SACS: variants seen among roughly 807,000 people sequenced by gnomAD.
SACS encodes sacsin.
In SACS, 197 loss-of-function variants were observed where a neutral mutation model predicts 348.0. That is an observed-to-expected ratio of 0.57 (90% CI 0.50 to 0.64). The LOEUF (loss-of-function observed/expected upper bound fraction) is 0.64. SACS is among the 30% of genes least tolerant of loss of function. The pLI is 0.00. For missense variants in SACS, 4,999 were observed against 5,360.8 expected, an observed-to-expected ratio of 0.93 and a Z score of 2.11; for synonymous variants, 1,985 against 1,910.6, an observed-to-expected ratio of 1.04 and a Z score of -1.02.
At chr13:23,349,017 C>T (rs1447803174) in intron 9 of SACS, among the ~76,000 whole-genome samples, 1 of 152,194 alleles carries the variant, frequency 6.6e-6, no homozygotes, top group East Asian at 1.9e-4. Flanking sequence ...GACAGCACTC[C>T]AAAATCATGG....
chr13:23,421,497 A>G (rs75570904), intron 1 of SACS, among the ~76,000 whole-genome samples: 7,035 of 151,968 alleles, frequency 0.046, 440 homozygotes, highest in African/African-American at 0.14. Flanking sequence ...TCTGATATGC[A>G]CCCAGGCCTG....
At chr13:23,386,515 A>G (rs2137882641) in intron 2 of SACS, among the ~76,000 whole-genome samples, 1 of 152,262 alleles carries the variant, frequency 6.6e-6, no homozygotes, top group African/African-American at 2.4e-5. Context: ...GCTTAAGGGG[A>G]TGTTATGGCT....
chr13:23,388,859 A>G (rs1202938511), intron 2 of SACS, among the ~76,000 whole-genome samples: 2 of 152,162 alleles, frequency 1.3e-5, no homozygotes, highest in African/African-American at 4.8e-5. Flanking sequence ...ACCAAAAACC[A>G]CTTGTATCCC....
chr13:23,341,057 G>A lies in SACS; in HGVS notation c.2819C>T (p.Ser940Phe), dbSNP rs778573161. Residue 940 changes from serine (S) to phenylalanine (F), a missense_variant, in exon 10 of 10, where the codon TCT becomes TTT. Ser to Phe is a radical substitution (Grantham distance 155). Transcript: ENST00000382292. ...INHSSDQGIS[S>F]YTKLKGCKVL... Reference sequence around the variant, plus strand: ...TTTACAACCTTTCAATTTTGTATAAGAGGAAATTCCCTGATCAGAAGAATG... The same window carrying A: ...TTTACAACCTTTCAATTTTGTATAAAAGGAAATTCCCTGATCAGAAGAATG... The A allele has an allele frequency of 2.5e-6, 4 of 1,614,098 alleles. No homozygotes were observed. Among genetic ancestry groups the A allele is most frequent in the South Asian group, 1.1e-5 (1 of 91,072 alleles).
At chr13:23,392,951 C>T (rs1487989656) in intron 2 of SACS, among the ~76,000 whole-genome samples, 2 of 152,130 alleles carry the variant, frequency 1.3e-5, no homozygotes, top group African/African-American at 4.8e-5. Context: ...TGCATAGTCA[C>T]CTCCCTCCCA....
intron 2 of SACS, among the ~76,000 whole-genome samples, chr13:23,380,139 G>GTT (rs752516609): frequency 0.4 from 60,496 of 149,710 alleles, 13,787 homozygotes; most frequent in Admixed American, 0.57. Flanking sequence ...GTGTGTGTGT[G>GTT]TGTGTGTGTG....
At chr13:23,427,109 G>A (rs1324934344) in intron 1 of SACS, 1 of 152,174 alleles carries the variant, frequency 6.6e-6, no homozygotes, top group African/African-American at 2.4e-5. Flanking sequence ...AACAGGGCCA[G>A]CTTGCCTTAT....
chr13:23,357,283 T>C (rs1247293188), intron 7 of SACS, among the ~76,000 whole-genome samples: 8 of 152,202 alleles, frequency 5.3e-5, no homozygotes, highest in Non-Finnish European at 1.0e-4. Flanking sequence ...TGGGATAACT[T>C]ACAAAGAGGT....
chr13:23,385,749 A>G (rs1872267203), intron 2 of SACS, among the ~76,000 whole-genome samples: 1 of 152,208 alleles, frequency 6.6e-6, no homozygotes, highest in African/African-American at 2.4e-5. Flanking sequence ...AGGAATCACT[A>G]TCTATGGCAG....
Position 23,340,142 on chromosome 13 carries a change from T to C in SACS, c.3734A>G (p.Tyr1245Cys), listed in dbSNP as rs76470518. 2.5e-6 allele frequency: 4 copies of C among 1,613,742 alleles called. No individual in the cohort carries two copies. Among genetic ancestry groups the C allele is most frequent in the African/African-American group, 2.7e-5 (2 of 75,032 alleles). Residue 1245 changes from tyrosine to cysteine, a missense_variant, in exon 10 of 10, where the codon TAC becomes TGC. Physicochemically the swap from Tyr to Cys is radical, Grantham distance 194. Transcript: ENST00000382292. ...YSSKTFSDED[Y>C]YQFQHILLEI... is the part of the protein sequence containing the mutation. ...AAGCAAAATATGCTGGAATTGATAG[T>C]AGTCTTCATCACTAAAGGTTTTTGA...
At position 23,341,342 on chromosome 13, in the gene SACS, T is replaced by C. The variant is rs151172635; in HGVS notation, c.2534A>G (p.Gln845Arg). ...TTTAAGGACAAACCCTCCAAGTTTT[T>C]GTACAATGTCTGCTAAAAATTCTGG... ...QLPEFLADIVQKLGGFVLKKL... is the reference protein window; with the variant it reads ...QLPEFLADIVRKLGGFVLKKL... The change falls in exon 10 of 10, where the codon CAA (glutamine) becomes CGA (arginine). Residue 845 changes from glutamine to arginine, a missense_variant. By Grantham distance (43) the Gln-to-Arg change is conservative. This residue lies in a region of SACS where 3,156 missense variants were observed against 3,380.1 expected (regional missense o/e 0.93). Transcript: ENST00000382292. The C allele has an allele frequency of 1.4e-5, 23 of 1,604,672 alleles. No homozygotes were observed. Among genetic ancestry groups the C allele is most frequent in the Non-Finnish European group, 2.0e-5 (23 of 1,175,244 alleles).
intron 9 of SACS, among the ~76,000 whole-genome samples, chr13:23,350,034 G>A (rs1869854885): frequency 1.3e-5 from 2 of 152,200 alleles, no homozygotes; most frequent in African/African-American, 4.8e-5. Flanking sequence ...GGAGTGAAGT[G>A]AGGAACAGAG....
chr13:23,363,072 A>G (rs1254247849), intron 6 of SACS, among the ~76,000 whole-genome samples: 1 of 142,734 alleles, frequency 7.0e-6, no homozygotes, highest in East Asian at 2.1e-4. Flanking sequence ...CCACGCCCAG[A>G]TAATTTTTGT....
At chr13:23,348,555 C>T (rs1869758507) in intron 9 of SACS, among the ~76,000 whole-genome samples, 1 of 152,146 alleles carries the variant, frequency 6.6e-6, no homozygotes, top group Non-Finnish European at 1.5e-5. Context: ...ACAGTAAAAA[C>T]ATGATTCTAA....
rs190523863 is a variant in SACS, at chr13:23,416,713, C to T, written c.-501-4973G>A. Among the ~76,000 whole-genome samples the T allele has an allele frequency of 5.3e-3, 793 of 150,416 alleles. 2 individuals are homozygous for T. Among genetic ancestry groups the T allele is most frequent in the Non-Finnish European group, 8.3e-3 (561 of 67,826 alleles). On this transcript the variant is annotated intron_variant, in intron 1 of 9. Coordinates refer to ENST00000382292, the MANE Select transcript of SACS (RefSeq NM_014363.6). ...CAGAGGTTGCAGTGAGCCAAGATCG[C>T]GCCATTGCACTCCAGCCTGGGCAAC...
rs376803098 is a variant in SACS, at chr13:23,329,448, T to C, written c.*688A>G. On this transcript the variant is annotated 3_prime_UTR_variant, in exon 10 of 10. Coordinates refer to ENST00000382292, the MANE Select transcript of SACS (RefSeq NM_014363.6). ...ACTGGTAATAAGAACTGCCACCATTTTGAGTTTTCCGTTGCTATCTTCATC... is the reference window on the plus strand; with the variant it reads ...ACTGGTAATAAGAACTGCCACCATTCTGAGTTTTCCGTTGCTATCTTCATC... The C allele has an allele frequency of 2.5e-5, 19 of 769,504 alleles. No homozygotes were observed. Among genetic ancestry groups the C allele is most frequent in the Non-Finnish European group, 4.6e-5 (19 of 415,018 alleles). The allele number at this position is 769,504 out of a possible 1,614,324, so 47.7% of individuals were successfully genotyped here.
intron 4 of SACS, among the ~76,000 whole-genome samples, chr13:23,370,456 G>T (rs182658762): frequency 6.6e-6 from 1 of 151,722 alleles, no homozygotes; most frequent in Non-Finnish European, 1.5e-5. Context: ...AAACTTTTAT[G>T]GTAAGAGTAA....
At chr13:23,366,429 C>T (rs1176198898) in intron 5 of SACS, among the ~76,000 whole-genome samples, 5 of 144,550 alleles carry the variant, frequency 3.5e-5, no homozygotes, top group South Asian at 2.4e-4. Context: ...TTCCTTGTTA[C>T]GTAACTAACT....
chr13:23,336,164 G>A lies in SACS; in HGVS notation c.7712C>T (p.Pro2571Leu). The A allele has an allele frequency of 6.2e-7, 1 of 1,613,810 alleles. No homozygotes were observed. Among genetic ancestry groups the A allele is most frequent in the Non-Finnish European group, 8.5e-7 (1 of 1,179,790 alleles). ...ICFVFDPRQHPVDRIFDDKWA... is the reference protein window; with the variant it reads ...ICFVFDPRQHLVDRIFDDKWA... The stretch of plus-strand genomic sequence containing the variant: ...CTTATCATCAAATATTCTATCAACT[G>A]GATGCTGTCTAGGATCAAACACAAA... Residue 2571 changes from proline (P) to leucine (L), a missense_variant, in exon 10 of 10, where the codon CCA (proline) becomes CTA (leucine). By Grantham distance (98) the Pro-to-Leu change is moderately conservative. Coordinates refer to ENST00000382292, the MANE Select transcript of SACS (RefSeq NM_014363.6).
Sources: allele counts gnomAD v4.1 joint callset (sites outside exome capture counted in the v4.1 genomes callset), GRCh38; gene constraint gnomAD v4.1.1; regional missense constraint gnomAD v4.1.1; transcripts MANE v1.5; gene names NCBI Gene and HGNC (gene_info 2026-07-23, HGNC 2026-07-21).